NRXN3: variants seen among roughly 807,000 people sequenced by gnomAD.
NRXN3 encodes neurexin III.
NRXN3 carries 32 observed loss-of-function variants against 137.6 expected under a neutral mutation model. That is an observed-to-expected ratio of 0.23 (90% CI 0.18 to 0.31). NRXN3 has a LOEUF of 0.31. NRXN3 is among the 10% of genes least tolerant of loss of function. The pLI, the probability that NRXN3 is intolerant of heterozygous loss-of-function variation, is 1.00. For synonymous variants in NRXN3, 798 were observed against 784.5 expected (o/e 1.02, Z -0.29); for missense variants, 1,574 against 2,062.5 (o/e 0.76, Z 4.59).
chr14:79,124,584 C>A (rs1862180351), intron 15 of NRXN3, among the ~76,000 whole-genome samples: 1 of 152,148 alleles, frequency 6.6e-6, no homozygotes, highest in African/African-American at 2.4e-5. Context: ...AACCAGGACA[C>A]CTTGGAGAAC....
chr14:78,939,934 T>C (rs753495110), intron 10 of NRXN3, among the ~76,000 whole-genome samples: 1 of 152,220 alleles, frequency 6.6e-6, no homozygotes, highest in South Asian at 2.1e-4. Flanking sequence ...ATCCAACTTT[T>C]TGTTGCTTGC....
chr14:78,247,464 A>G (rs1289985058), intron 2 of NRXN3, among the ~76,000 whole-genome samples: 2 of 152,206 alleles, frequency 1.3e-5, no homozygotes, highest in East Asian at 3.9e-4. Flanking sequence ...CACATTGAAC[A>G]TTGTGGAGAA....
intron 10 of NRXN3, among the ~76,000 whole-genome samples, chr14:78,949,073 T>C (rs1366839106): frequency 1.3e-5 from 2 of 152,156 alleles, no homozygotes; most frequent in Non-Finnish European, 2.9e-5. Flanking sequence ...ATATGGTACT[T>C]TCATTCCCCT....
intron 16 of NRXN3, among the ~76,000 whole-genome samples, chr14:79,518,194 G>T (rs57530235): frequency 4.0e-4 from 60 of 151,738 alleles, no homozygotes; most frequent in African/African-American, 1.4e-3. Flanking sequence ...CGTGAGCCAC[G>T]GCACCCAGCC....
chr14:79,392,550 T>C (rs983900128), intron 15 of NRXN3, among the ~76,000 whole-genome samples: 5 of 152,166 alleles, frequency 3.3e-5, no homozygotes, highest in Non-Finnish European at 7.4e-5. Context: ...TGGTTCTAGA[T>C]CCTTGAAGAA....
At chr14:78,949,243 T>G (rs1027537510) in intron 10 of NRXN3, among the ~76,000 whole-genome samples, 5 of 152,026 alleles carry the variant, frequency 3.3e-5, no homozygotes, top group African/African-American at 1.2e-4. Flanking sequence ...CTCTTCCTTC[T>G]CCCCCTCTAC....
At chr14:79,028,978 G>T (rs962662364) in intron 15 of NRXN3, among the ~76,000 whole-genome samples, 4 of 151,952 alleles carry the variant, frequency 2.6e-5, no homozygotes, top group African/African-American at 4.8e-5. Flanking sequence ...CAGCCAGTCT[G>T]GGAGATCTCT....
intron 10 of NRXN3, among the ~76,000 whole-genome samples, chr14:78,942,842 T>C (rs923765611): frequency 7.2e-5 from 11 of 152,184 alleles, no homozygotes; most frequent in African/African-American, 2.4e-4. Flanking sequence ...GATCAATATA[T>C]ATTATATGTA....
intron 15 of NRXN3, among the ~76,000 whole-genome samples, chr14:79,362,670 T>G (rs2153420525): frequency 6.6e-6 from 1 of 152,302 alleles, no homozygotes; most frequent in Middle Eastern, 3.4e-3. Flanking sequence ...AAGGGAAGAT[T>G]ATGTGACGCA....
intron 6 of NRXN3, among the ~76,000 whole-genome samples, chr14:78,681,287 C>T (rs1472569974): frequency 2.0e-5 from 3 of 152,112 alleles, no homozygotes; most frequent in Non-Finnish European, 4.4e-5. Context: ...TCTTCTGGAG[C>T]GGGAGTTAGA....
At chr14:79,327,318 C>T (rs1261523699) in intron 15 of NRXN3, among the ~76,000 whole-genome samples, 1 of 152,124 alleles carries the variant, frequency 6.6e-6, no homozygotes, top group Non-Finnish European at 1.5e-5. Flanking sequence ...CTTGTAACCC[C>T]CTATAGATTC....
chr14:78,941,181 C>T (rs543993076), intron 10 of NRXN3, among the ~76,000 whole-genome samples: 21 of 152,308 alleles, frequency 1.4e-4, no homozygotes, highest in Admixed American at 1.2e-3. Flanking sequence ...TCATAGCCAG[C>T]ATCACCTTAA....
At chr14:79,225,100 G>A (rs1398278948) in intron 15 of NRXN3, among the ~76,000 whole-genome samples, 8 of 152,118 alleles carry the variant, frequency 5.3e-5, no homozygotes, top group Non-Finnish European at 1.0e-4. Flanking sequence ...GCCAGATATG[G>A]AGGCAGGAAT....
chr14:79,425,521 T>C (rs115516735), intron 15 of NRXN3, among the ~76,000 whole-genome samples: 1 of 152,198 alleles, frequency 6.6e-6, no homozygotes, highest in African/African-American at 2.4e-5. Flanking sequence ...TCAGCTGTTC[T>C]TTCTAAAAGA....
intron 4 of NRXN3, among the ~76,000 whole-genome samples, chr14:78,413,523 G>T (rs2092954722): frequency 6.6e-6 from 1 of 152,138 alleles, no homozygotes; most frequent in African/African-American, 2.4e-5. Context: ...GACCTCAGGT[G>T]GTCCGGCCGA....
intron 4 of NRXN3, among the ~76,000 whole-genome samples, chr14:78,620,041 T>A (rs2097384886): frequency 6.6e-6 from 1 of 152,150 alleles, no homozygotes; most frequent in South Asian, 2.1e-4. Flanking sequence ...AGTCACCCAG[T>A]CTATGGTATT....
intron 4 of NRXN3, among the ~76,000 whole-genome samples, chr14:78,424,060 C>T (rs554969596): frequency 6.6e-6 from 1 of 152,288 alleles, no homozygotes; most frequent in African/African-American, 2.4e-5. Flanking sequence ...AAGGCTCCCT[C>T]TTTGGATCAG....
chr14:78,530,823 A>AT (rs2096451517), intron 4 of NRXN3, among the ~76,000 whole-genome samples: 1 of 152,200 alleles, frequency 6.6e-6, no homozygotes, highest in African/African-American at 2.4e-5. Context: ...AGATTGACTA[A>AT]TTCTCAGTGC....
At chr14:78,307,853 TG>T in intron 4 of NRXN3, among the ~76,000 whole-genome samples, 1 of 152,284 alleles carries the variant, frequency 6.6e-6, no homozygotes, top group South Asian at 2.1e-4. Flanking sequence ...GATGGCAGCT[TG>T]GCCTTTGCCA....
Sources: allele counts gnomAD v4.1 joint callset (sites outside exome capture counted in the v4.1 genomes callset), GRCh38; gene constraint gnomAD v4.1.1; transcripts MANE v1.5; gene names NCBI Gene and HGNC (gene_info 2026-07-23, HGNC 2026-07-21).